Variants in SUGCT observed in about 807,000 individuals in gnomAD.
SUGCT encodes the protein succinyl-CoA:glutarate CoA-transferase.
SUGCT carries 41 observed loss-of-function variants against 55.0 expected under a neutral mutation model. That is an observed-to-expected ratio of 0.74 (90% CI 0.58 to 0.97). The LOEUF is 0.97. Among genes scored for constraint, SUGCT ranks in the 50% least tolerant of loss-of-function variants. The pLI is 0.00. For missense variants in SUGCT, 568 were observed against 547.8 expected (o/e 1.04, Z -0.37); for synonymous variants, 187 against 200.4 (o/e 0.93, Z 0.56).
chr7:40,279,902 A>G lies in SUGCT; in HGVS notation c.720+5246A>G, dbSNP rs552628085. 1.5e-3 allele frequency among the ~76,000 whole-genome samples: 228 copies of G among 152,286 alleles called. 1 individual carries two copies. Among genetic ancestry groups the G allele is most frequent in the Non-Finnish European group, 2.3e-3 (154 of 68,014 alleles). On this transcript the variant is annotated intron_variant, in intron 8 of 13. Transcript: ENST00000335693. ...AAATGTTCACCTGCATTAAGTAGGT[A>G]ACATTTGAATTTAATTTCAGCTGCG...
chr7:40,957,461 T>TTTTTTTTTTTTG, the SUGCT span, among the ~76,000 whole-genome samples: 1 of 146,670 alleles, frequency 6.8e-6, no homozygotes, highest in African/African-American at 2.5e-5. Flanking sequence ...TTTTTTTTTT[T>TTTTTTTTTTTTG]TTTTTTTTTT....
intron 7 of SUGCT, among the ~76,000 whole-genome samples, chr7:40,266,770 A>G (rs752271020): frequency 1.4e-4 from 22 of 152,116 alleles, no homozygotes; most frequent in Non-Finnish European, 2.8e-4. Flanking sequence ...TAATCCGAGC[A>G]CTTTGGGAGG....
chr7:40,287,013 T>C (rs1356820669), intron 8 of SUGCT, among the ~76,000 whole-genome samples: 1 of 152,160 alleles, frequency 6.6e-6, no homozygotes, highest in African/African-American at 2.4e-5. Context: ...AAGGTTGACA[T>C]GGCTTCTGGA....
At chr7:40,762,315 CTT>C (rs1270253831) in intron 13 of SUGCT, among the ~76,000 whole-genome samples, 2 of 152,140 alleles carry the variant, frequency 1.3e-5, no homozygotes, top group Non-Finnish European at 2.9e-5. Context: ...TGGAAGGAAA[CTT>C]TAAAAATGTG....
At chr7:40,611,575 T>C (rs997384482) in intron 12 of SUGCT, among the ~76,000 whole-genome samples, 1 of 152,186 alleles carries the variant, frequency 6.6e-6, no homozygotes, top group African/African-American at 2.4e-5. Context: ...GGTTAATAAT[T>C]CTCTCACAAG....
intron 12 of SUGCT, among the ~76,000 whole-genome samples, chr7:40,651,686 A>G (rs1800791369): frequency 6.6e-6 from 1 of 151,864 alleles, no homozygotes; most frequent in Admixed American, 6.6e-5. Flanking sequence ...CTTTAATTTC[A>G]TTCTTTTCTT....
chr7:40,695,344 C>T (rs926308288), intron 12 of SUGCT, among the ~76,000 whole-genome samples: 2 of 151,806 alleles, frequency 1.3e-5, no homozygotes, highest in Non-Finnish European at 2.9e-5. Flanking sequence ...ACCACAGGCA[C>T]GTGCCACCAT....
Position 40,258,361 on chromosome 7 carries a change from A to G in SUGCT, c.577-16152A>G, listed in dbSNP as rs1429886084. ...CTAACTTCAGTTTTTCCATCTGTAA[A>G]ATAGGGAAAATATGTTTTTAATTTT... On this transcript the variant is annotated intron_variant, in intron 7 of 13. Transcript: ENST00000335693. Among the ~76,000 whole-genome samples, 5 of 152,156 alleles carry G rather than the reference A, an allele frequency of 3.3e-5. No individual in the cohort carries two copies. In the East Asian group the frequency reaches 9.6e-4, roughly 29 times the overall value.
At chr7:41,024,171 A>G in the SUGCT span, among the ~76,000 whole-genome samples, 2 of 152,202 alleles carry the variant, frequency 1.3e-5, no homozygotes, top group East Asian at 3.9e-4. Context: ...TTAGAATCCT[A>G]CCTTACACTA....
intron 6 of SUGCT, among the ~76,000 whole-genome samples, chr7:40,208,925 T>C (rs981304474): frequency 2.6e-5 from 4 of 152,246 alleles, no homozygotes; most frequent in Non-Finnish European, 5.9e-5. Context: ...TAGTACAGTA[T>C]AGGATACATA....
At chr7:40,206,105 T>A (rs1366752831) in intron 6 of SUGCT, among the ~76,000 whole-genome samples, 1 of 152,220 alleles carries the variant, frequency 6.6e-6, no homozygotes, top group Non-Finnish European at 1.5e-5. Context: ...AAATTGAATG[T>A]TTTATAGATC....
At chr7:40,491,992 A>AAAATAAATAAATAAATAAATAAATAAAT (rs10669502) in intron 11 of SUGCT, among the ~76,000 whole-genome samples, 3 of 150,026 alleles carry the variant, frequency 2.0e-5, no homozygotes, top group African/African-American at 7.5e-5. Context: ...TCTGTTTCCA[A>AAAATAAATAAATAAATAAATAAATAAAT]AAATAAATAA....
intron 12 of SUGCT, chr7:40,684,014 T>C: frequency 1.2e-6 from 2 of 1,610,400 alleles, no homozygotes; most frequent in Non-Finnish European, 1.7e-6. Flanking sequence ...TCCTTGTGGT[T>C]GTATGACTGA....
intron 12 of SUGCT, among the ~76,000 whole-genome samples, chr7:40,707,281 G>C (rs1785468882): frequency 6.7e-6 from 1 of 149,734 alleles, no homozygotes. Context: ...CAAAGAGAAC[G>C]TTTTCTTCGT....
Position 40,141,612 on chromosome 7 carries a change from C to T in SUGCT, c.100+6492C>T, listed in dbSNP as rs375806467. On this transcript the variant is annotated intron_variant, in intron 1 of 13. Transcript: ENST00000335693. ...TTGTGCCATTGCACTCTAGCCTGGG[C>T]GACAGACAGTGCAAGACTCCATCTC... 3.5e-5 allele frequency among the ~76,000 whole-genome samples: 5 copies of T among 141,404 alleles called. No individual in the cohort carries two copies. In the East Asian group the frequency reaches 6.1e-4, roughly 17 times the overall value. The allele number at this position is 141,404 out of a possible 152,430, so 92.8% of individuals were successfully genotyped here. A position where few individuals can be genotyped will look rare whatever the true frequency, so the allele number is the denominator to read the frequency against.
At chr7:40,708,222 G>C (rs1042563847) in intron 12 of SUGCT, among the ~76,000 whole-genome samples, 3 of 152,070 alleles carry the variant, frequency 2.0e-5, no homozygotes, top group Non-Finnish European at 4.4e-5. Flanking sequence ...AACACTTCCT[G>C]GGTACTCTGT....
the SUGCT span, among the ~76,000 whole-genome samples, chr7:40,912,005 A>G: frequency 6.6e-6 from 1 of 151,852 alleles, no homozygotes; most frequent in South Asian, 2.1e-4. Flanking sequence ...CGTCCTAAGC[A>G]CTCTTCCCCA....
chr7:40,821,336 A>G lies in SUGCT; in HGVS notation c.1154-38980A>G, dbSNP rs369179760. Among the ~76,000 whole-genome samples, 41 of 152,292 alleles carry G rather than the reference A, an allele frequency of 2.7e-4. No individual in the cohort carries two copies. In the East Asian group the frequency reaches 7.9e-3, roughly 29 times the overall value. On this transcript the variant is annotated intron_variant, in intron 13 of 13. Coordinates refer to ENST00000335693, the MANE Select transcript of SUGCT (RefSeq NM_001193313.2). ...ATTGATTGGAATAGTTTCAGAAGGA[A>G]TGGTACCAGCTCCTCCTCGTACCTC...
At chr7:40,983,206 G>C in the SUGCT span, among the ~76,000 whole-genome samples, 1 of 151,928 alleles carries the variant, frequency 6.6e-6, no homozygotes, top group Admixed American at 6.6e-5. Flanking sequence ...TTCAGGATGG[G>C]GTTCAGGGCA....
Sources: allele counts gnomAD v4.1 joint callset (sites outside exome capture counted in the v4.1 genomes callset), GRCh38; gene constraint gnomAD v4.1.1; transcripts MANE v1.5; gene names NCBI Gene and HGNC (gene_info 2026-07-23, HGNC 2026-07-21).